CPLANE1: variants seen among roughly 807,000 people sequenced by gnomAD.
The protein encoded by CPLANE1 is ciliogenesis and planar polarity effector 1.
In CPLANE1, 263 loss-of-function variants were observed where a neutral mutation model predicts 362.5. The ratio of observed to expected loss-of-function variants is 0.73; its 90% CI spans 0.66 to 0.80. The LOEUF (loss-of-function observed/expected upper bound fraction) is 0.80, where lower values mean the gene tolerates loss of function less well. Ranked by LOEUF, CPLANE1 falls within the 30% of genes least tolerant of loss-of-function variation. The pLI is 0.00. For synonymous variants in CPLANE1, 1,212 were observed against 1,302.6 expected, an observed-to-expected ratio of 0.93 and a Z score of 1.50; for missense variants, 3,461 against 3,793.4, an observed-to-expected ratio of 0.91 and a Z score of 2.30.
intron 26 of CPLANE1, 95 bp from the exon 27 acceptor site, chr5:37,181,100 T>TA: frequency 9.9e-7 from 1 of 1,012,116 alleles, no homozygotes. Flanking sequence ...GAATTCTGAA[T>TA]AATCCTCTTA....
chr5:37,170,136 A>T lies in CPLANE1; in HGVS notation c.6367T>A (p.Ser2123Thr). 1 of 1,614,108 alleles carries T rather than the reference A, an allele frequency of 6.2e-7. No homozygotes were observed. The highest frequency in any genetic ancestry group is 1.3e-5 in the African/African-American group (1 of 75,014). ...LKERFFIKPQ[S>T]MGENAREPRK... ...GGCTCTCTGGCGTTCTCTCCCATTG[A>T]CTGTGGTTTAATAAAAAATCTCTCC... Residue 2123 changes from serine to threonine, a missense_variant, in exon 33 of 53, where the codon TCA becomes ACA. Physicochemically the swap from Ser to Thr is moderately conservative, Grantham distance 58. Transcript: ENST00000651892.
intron 21 of CPLANE1, 133 bp downstream of exon 21, chr5:37,195,725 G>A: frequency 1.3e-6 from 1 of 788,006 alleles, no homozygotes; most frequent in Non-Finnish European, 1.9e-6. Flanking sequence ...AGCTGTTAAA[G>A]TACAATATTT....
chr5:37,236,969 G>A lies in CPLANE1; in HGVS notation c.938+1888C>T, dbSNP rs114929446. 3.9e-3 allele frequency among the ~76,000 whole-genome samples: 590 copies of A among 152,280 alleles called. 3 individuals are homozygous for A. The highest frequency in any genetic ancestry group is 0.013 in the African/African-American group (531 of 41,554). ...ATGGGAACATGTTTCTCATGGGAACGTGAGAAAAGGGAACAAACATGATTG... is the reference window on the plus strand; with the variant it reads ...ATGGGAACATGTTTCTCATGGGAACATGAGAAAAGGGAACAAACATGATTG... On this transcript the variant is annotated intron_variant, in intron 8 of 52. Coordinates refer to ENST00000651892, the MANE Select transcript of CPLANE1 (RefSeq NM_001384732.1).
chr5:37,211,544 C>A (rs769400856), intron 16 of CPLANE1: 23 of 1,233,536 alleles, frequency 1.9e-5, no homozygotes, highest in Non-Finnish European at 2.5e-5. Flanking sequence ...CAAGGCTATG[C>A]GGGGGCACTT....
At chr5:37,237,003 G>A (rs1209317716) in intron 8 of CPLANE1, among the ~76,000 whole-genome samples, 6 of 152,130 alleles carry the variant, frequency 3.9e-5, no homozygotes, top group South Asian at 4.1e-4. Flanking sequence ...TGGTGGGAAC[G>A]CAAATTAGTA....
At chr5:37,090,814 T>C in the CPLANE1 span, among the ~76,000 whole-genome samples, 1 of 152,214 alleles carries the variant, frequency 6.6e-6, no homozygotes. Flanking sequence ...ACACTGTTTA[T>C]TTATTGCAGA....
intron 40 of CPLANE1, 99 bp downstream of exon 40, chr5:37,157,571 G>T: frequency 1.7e-6 from 2 of 1,154,208 alleles, no homozygotes; most frequent in Non-Finnish European, 1.3e-6. Context: ...AAATACAGTG[G>T]GTTTGTAGGA....
Position 37,209,054 on chromosome 5 carries a change from C to T in CPLANE1, c.2921-2629G>A, listed in dbSNP as rs527624150. On this transcript the variant is annotated intron_variant, in intron 16 of 52. Transcript: ENST00000651892. This position sits in a 1 kb window ranked among gnomAD's most constrained non-coding sequence, Gnocchi z 4.6. ...AAGGATGGGATGTGAGGCGGTCCTG[C>T]CTTGCCGCCTTCTGTCCCTAGTCTC... Among the ~76,000 whole-genome samples, 85 of 152,214 alleles carry T rather than the reference C, an allele frequency of 5.6e-4. No homozygotes were observed. Among genetic ancestry groups the T allele is most frequent in the Non-Finnish European group, 1.1e-3 (73 of 68,044 alleles).
chr5:37,085,604 A>G, the CPLANE1 span: 5 of 914,340 alleles, frequency 5.5e-6, no homozygotes, highest in South Asian at 6.5e-5. Flanking sequence ...TAACCTGTGT[A>G]TGGTGACTGG....
the CPLANE1 span, among the ~76,000 whole-genome samples, chr5:37,091,052 T>C: frequency 6.6e-6 from 1 of 152,274 alleles, no homozygotes; most frequent in East Asian, 1.9e-4. Flanking sequence ...TCCACCAAAA[T>C]TGGAGAAATT....
chr5:37,088,214 T>C, the CPLANE1 span, among the ~76,000 whole-genome samples: 1 of 152,206 alleles, frequency 6.6e-6, no homozygotes, highest in African/African-American at 2.4e-5. Flanking sequence ...TTAAGAGACA[T>C]ACTAGTCACA....
intron 46 of CPLANE1, among the ~76,000 whole-genome samples, chr5:37,135,104 CT>C (rs1315311318): frequency 2.0e-5 from 3 of 152,076 alleles, no homozygotes; most frequent in Non-Finnish European, 4.4e-5. Flanking sequence ...CTAAATTTTC[CT>C]CACAATGGTG....
chr5:37,115,893 G>A (rs941929691), intron 50 of CPLANE1, among the ~76,000 whole-genome samples: 2 of 151,532 alleles, frequency 1.3e-5, no homozygotes, highest in Admixed American at 6.6e-5. Context: ...ATGCCCGGCC[G>A]ACTTTTACTT....
At chr5:37,099,877 C>CT in the CPLANE1 span, among the ~76,000 whole-genome samples, 84 of 152,156 alleles carry the variant, frequency 5.5e-4, 1 homozygote, top group African/African-American at 2.2e-4. Context: ...TGATGTTGAG[C>CT]TTTTTTTACA....
intron 51 of CPLANE1, among the ~76,000 whole-genome samples, chr5:37,113,794 A>G (rs567384852): frequency 1.3e-5 from 2 of 152,256 alleles, no homozygotes; most frequent in African/African-American, 4.8e-5. Flanking sequence ...TTCACAGTAC[A>G]TATAAACTAG....
chr5:37,216,557 G>A (rs77173156), intron 15 of CPLANE1, among the ~76,000 whole-genome samples: 2,543 of 151,378 alleles, frequency 0.017, 74 homozygotes, highest in African/African-American at 0.06. Context: ...TCAAACACAC[G>A]CACACAAATG....
chr5:37,093,531 T>TA, the CPLANE1 span, among the ~76,000 whole-genome samples: 1 of 152,266 alleles, frequency 6.6e-6, no homozygotes, highest in East Asian at 1.9e-4. Flanking sequence ...CAAACAGCCA[T>TA]ATGGAAGGGT....
the CPLANE1 span, among the ~76,000 whole-genome samples, chr5:37,077,606 C>CTTTTTTTTTTTTTTTTTTT: frequency 1.3e-5 from 1 of 75,922 alleles, no homozygotes; most frequent in Admixed American, 1.9e-4. Flanking sequence ...GTGTGTGTGT[C>CTTTTTTTTTTTTTTTTTTT]TTTTTTTTTT....
At chr5:37,146,166 C>A (rs1401402846) in intron 43 of CPLANE1, among the ~76,000 whole-genome samples, 1 of 151,552 alleles carries the variant, frequency 6.6e-6, no homozygotes, top group Non-Finnish European at 1.5e-5. Flanking sequence ...TGGGTTCCAA[C>A]TGTAATAATT....
Sources: allele counts gnomAD v4.1 joint callset (sites outside exome capture counted in the v4.1 genomes callset), GRCh38; gene constraint gnomAD v4.1.1; non-coding constraint Gnocchi (gnomAD v3.1); transcripts MANE v1.5; gene names NCBI Gene and HGNC (gene_info 2026-07-23, HGNC 2026-07-21).